RAB7B: variants seen among roughly 807,000 people sequenced by gnomAD.
RAB7B encodes the protein RAB7B, member RAS oncogene family, also known as ras-related protein Rab-7b.
At chr1:206,000,584 G>A (rs1660876653) in intron 1 of RAB7B, among the ~76,000 whole-genome samples, 1 of 152,212 alleles carries the variant, frequency 6.6e-6, no homozygotes, top group Admixed American at 6.5e-5. Flanking sequence ...TTCCTCTGCA[G>A]GTGACATGTG....
intron 1 of RAB7B, among the ~76,000 whole-genome samples, chr1:206,001,835 C>A (rs1660897845): frequency 6.6e-6 from 1 of 152,182 alleles, no homozygotes; most frequent in Non-Finnish European, 1.5e-5. Flanking sequence ...GTGCCTGGCA[C>A]CAGCCCTCCA....
intron 1 of RAB7B, among the ~76,000 whole-genome samples, chr1:205,998,421 A>G (rs1660841830): frequency 1.3e-5 from 2 of 152,190 alleles, no homozygotes; most frequent in African/African-American, 4.8e-5. Flanking sequence ...CCTAATCACC[A>G]GAGTTTGAAC....
intron 5 of RAB7B, among the ~76,000 whole-genome samples, chr1:205,982,335 C>T (rs1660509106): frequency 6.6e-6 from 1 of 152,312 alleles, no homozygotes; most frequent in Middle Eastern, 3.4e-3. Context: ...ATCATCAGCT[C>T]CTGATGTTTC....
Position 205,985,643 on chromosome 1 carries a change from C to G in RAB7B, c.419G>C (p.Gly140Ala), listed in dbSNP as rs1420702249. ...AGGAATATCTTTCTCTCTACACCAG[C>G]CTTGAGCTACTTCCTGGGGTACCTG... ...DRKVPQEVAQ[G>A]WCREKDIPYF... Residue 140 changes from glycine (G) to alanine (A), a missense_variant, in exon 5 of 6, where the codon GGC (glycine) becomes GCC (alanine). Coordinates refer to ENST00000617070, the MANE Select transcript of RAB7B (RefSeq NM_001164522.3). 1.3e-5 allele frequency: 5 copies of G among 399,986 alleles called. No individual in the cohort carries two copies. Among genetic ancestry groups the G allele is most frequent in the Non-Finnish European group, 2.2e-5 (5 of 226,912 alleles). The allele number at this position is 399,986 out of a possible 1,614,324, so 24.8% of individuals were successfully genotyped here.
chr1:205,992,649 G>A lies in RAB7B; in HGVS notation c.227C>T (p.Thr76Met), dbSNP rs1257626472. Residue 76 changes from threonine to methionine, a missense_variant, in exon 4 of 6, where the codon ACG becomes ATG. Coordinates refer to ENST00000617070, the MANE Select transcript of RAB7B (RefSeq NM_001164522.3). ...GCAGCCATCGGAGCCCTTGTAGAAC[G>A]TGGACACCATGGAGCGGAACCGCTC... ...GQERFRSMVSTFYKGSDGCIL... is the reference protein window; with the variant it reads ...GQERFRSMVSMFYKGSDGCIL... 9 of 398,668 alleles carry A rather than the reference G, an allele frequency of 2.3e-5. No homozygotes were observed. The highest frequency in any genetic ancestry group is 7.1e-5 in the East Asian group (2 of 28,090). 24.7% of individuals were successfully genotyped at this position (398,668 alleles called of 1,614,324 possible).
chr1:205,990,012 C>T (rs1481199318), intron 4 of RAB7B, among the ~76,000 whole-genome samples: 1 of 152,160 alleles, frequency 6.6e-6, no homozygotes, highest in Non-Finnish European at 1.5e-5. Context: ...GACTCTCGGT[C>T]TTGAACTCCC....
chr1:205,985,691 G>A, intron 4 of RAB7B, 26 bp from the exon 5 acceptor site: 1 of 345,454 alleles, frequency 2.9e-6, no homozygotes, highest in Non-Finnish European at 5.1e-6. Flanking sequence ...AAATAGGCGT[G>A]GTGTCTGTAT....
intron 5 of RAB7B, 75 bp from the exon 6 acceptor site, chr1:205,979,003 G>T: frequency 2.5e-6 from 1 of 397,484 alleles, no homozygotes; most frequent in South Asian, 1.3e-4. Flanking sequence ...TTTCTTAGTG[G>T]GCCTCAGAGC....
In RAB7B at chr1:205,978,182, T is replaced by A. The variant is rs1660420363; in HGVS notation, c.*669A>T. 6.6e-6 allele frequency: 1 copy of A among 152,168 alleles called. No homozygotes were observed. The highest frequency in any genetic ancestry group is 2.4e-5 in the African/African-American group (1 of 41,446). The allele number at this position is 152,168 out of a possible 1,614,324, so 9.4% of individuals were successfully genotyped here. A position where few individuals can be genotyped will look rare whatever the true frequency, so the allele number is the denominator to read the frequency against. On this transcript the variant is annotated 3_prime_UTR_variant, in exon 6 of 6. Coordinates refer to ENST00000617070, the MANE Select transcript of RAB7B (RefSeq NM_001164522.3). Reference sequence around the variant, plus strand: ...GCACATCTCACCCCCACAGGACAGATAAACAAATTGAGACTCAGAGATTTA... The same window carrying A: ...GCACATCTCACCCCCACAGGACAGAAAAACAAATTGAGACTCAGAGATTTA...
intron 1 of RAB7B, among the ~76,000 whole-genome samples, chr1:205,995,003 G>A (rs1227711983): frequency 2.6e-5 from 4 of 152,036 alleles, no homozygotes; most frequent in Admixed American, 2.6e-4. Flanking sequence ...GCAAACTATT[G>A]CAAGGAACAA....
At position 205,976,966 on chromosome 1, in the gene RAB7B, C is replaced by T. The variant is rs1342079687; in HGVS notation, c.*1885G>A. On this transcript the variant is annotated 3_prime_UTR_variant, in exon 6 of 6. Transcript: ENST00000617070. ...TAGAGCTTGTGCTCTAGGCTGCCCC[C>T]CTGTTCCCGTGCTGGCTCCATGCTG... is the stretch of plus-strand genomic sequence containing the variant. 6.6e-6 allele frequency: 1 copy of T among 152,194 alleles called. No homozygotes were observed. The highest frequency in any genetic ancestry group is 2.4e-5 in the African/African-American group (1 of 41,430). 9.4% of individuals were successfully genotyped at this position (152,194 alleles called of 1,614,324 possible).
intron 4 of RAB7B, among the ~76,000 whole-genome samples, chr1:205,990,919 C>G (rs1398165474): frequency 6.6e-6 from 1 of 151,568 alleles, no homozygotes; most frequent in Non-Finnish European, 1.5e-5. Context: ...TCCTGAGTAG[C>G]TGGGATTACA....
intron 4 of RAB7B, among the ~76,000 whole-genome samples, chr1:205,988,761 A>T (rs1174737976): frequency 6.6e-6 from 1 of 152,164 alleles, no homozygotes; most frequent in Non-Finnish European, 1.5e-5. Context: ...CACATGGACC[A>T]GGTGGGCGGC....
intron 4 of RAB7B, among the ~76,000 whole-genome samples, chr1:205,987,502 A>G (rs919530055): frequency 2.0e-5 from 3 of 152,202 alleles, no homozygotes; most frequent in Non-Finnish European, 4.4e-5. Context: ...TTTCCATCTC[A>G]TGTGCTTTTA....
chr1:205,979,385 G>A (rs1217852114), intron 5 of RAB7B, among the ~76,000 whole-genome samples: 1 of 152,026 alleles, frequency 6.6e-6, no homozygotes, highest in East Asian at 1.9e-4. Flanking sequence ...CTCTGTCCTG[G>A]CCACATCCAG....
At position 205,994,343 on chromosome 1, in the gene RAB7B, C is replaced by T. The variant is rs1002630746; in HGVS notation, c.-16-192G>A. On this transcript the variant is annotated intron_variant, in intron 1 of 5. Transcript: ENST00000617070. ...CTTCTCCCTCACTTTCCCTGGGGGC[C>T]TCCCCAAAGCTGGAAGGGTGGTGAC... The T allele has an allele frequency of 2.7e-3, 969 of 352,944 alleles. 2 individuals carry two copies. The highest frequency in any genetic ancestry group is 4.0e-3 in the Non-Finnish European group (797 of 197,150). The allele number at this position is 352,944 out of a possible 1,614,324, so 21.9% of individuals were successfully genotyped here.
chr1:205,986,711 G>A (rs1660614901), intron 4 of RAB7B, among the ~76,000 whole-genome samples: 1 of 152,218 alleles, frequency 6.6e-6, no homozygotes. Flanking sequence ...TGAGTTTGAT[G>A]TCTAATTATT....
At chr1:205,982,799 C>T in intron 5 of RAB7B, among the ~76,000 whole-genome samples, 1 of 152,320 alleles carries the variant, frequency 6.6e-6, no homozygotes. Flanking sequence ...AGCCCACAAT[C>T]TCCCTGGGAA....
intron 1 of RAB7B, among the ~76,000 whole-genome samples, chr1:206,000,361 T>C (rs1034015715): frequency 4.6e-5 from 7 of 152,336 alleles, no homozygotes; most frequent in Middle Eastern, 3.4e-3. Context: ...GATGTGTGGA[T>C]GGCAGCCCAA....
Sources: gnomAD v4.1 joint callset for allele counts (sites outside exome capture counted in the v4.1 genomes callset) on GRCh38, gnomAD v4.1.1 for gene constraint, MANE v1.5 for transcripts, NCBI Gene and HGNC (gene_info 2026-07-23, HGNC 2026-07-21) for gene names.